The following SMPX variants were observed in gnomAD, a reference collection of about 807,000 sequenced individuals.
SMPX encodes small muscle protein X-linked, also known as small muscular protein.
In SMPX, 2 loss-of-function variants were observed where a neutral mutation model predicts 6.3. The ratio of observed to expected loss-of-function variants is 0.32; its 90% CI spans 0.13 to 0.99. The LOEUF (loss-of-function observed/expected upper bound fraction) is 0.99, where lower values mean the gene tolerates loss of function less well. SMPX is among the 50% of genes least tolerant of loss of function. The pLI is 0.49. For synonymous variants in SMPX, 32 were observed against 24.7 expected (o/e 1.30, Z -0.88); for missense variants, 60 against 66.8 (o/e 0.90, Z 0.36).
intron 4 of SMPX, among the ~76,000 whole-genome samples, chrX:21,731,414 T>A (rs1318010472): frequency 1.1e-5 from 1 of 87,765 alleles, no homozygotes; most frequent in Non-Finnish European, 2.3e-5. Flanking sequence ...ACATATAATA[T>A]ATATACACAC....
chrX:21,731,809 T>A (rs1020989889), intron 4 of SMPX, among the ~76,000 whole-genome samples: 2 of 86,113 alleles, frequency 2.3e-5, no homozygotes, highest in Non-Finnish European at 4.5e-5. Flanking sequence ...TATGTACACA[T>A]ACATAATGTA....
intron 4 of SMPX, among the ~76,000 whole-genome samples, chrX:21,708,227 T>C (rs1006506801): frequency 3.6e-5 from 4 of 112,417 alleles, no homozygotes; most frequent in African/African-American, 1.3e-4. Flanking sequence ...GCAGAAACTC[T>C]GGTTTGGCAC....
chrX:21,714,906 C>A (rs758180341), intron 4 of SMPX, among the ~76,000 whole-genome samples: 1 of 111,747 alleles, frequency 8.9e-6, no homozygotes, highest in African/African-American at 3.3e-5. Flanking sequence ...ACATTTCATG[C>A]AAAACAATTT....
intron 2 of SMPX, among the ~76,000 whole-genome samples, chrX:21,753,967 C>A (rs1450548213): frequency 2.7e-5 from 3 of 112,213 alleles, no homozygotes; most frequent in African/African-American, 9.7e-5. Flanking sequence ...TGAACACATC[C>A]AAAACATATC....
intron 4 of SMPX, among the ~76,000 whole-genome samples, chrX:21,713,673 C>A (rs763702046): frequency 8.9e-6 from 1 of 111,838 alleles, no homozygotes; most frequent in Admixed American, 9.4e-5. Flanking sequence ...GATTATCTCC[C>A]ACTGGGTCCC....
intron 2 of SMPX, among the ~76,000 whole-genome samples, chrX:21,750,686 A>G (rs1183750634): frequency 1.8e-5 from 2 of 111,821 alleles, no homozygotes; most frequent in Non-Finnish European, 3.8e-5. Context: ...GAAGTGTAGG[A>G]TTAGAATCCC....
intron 4 of SMPX, among the ~76,000 whole-genome samples, chrX:21,711,248 G>A (rs907036778): frequency 1.8e-5 from 2 of 111,535 alleles, no homozygotes; most frequent in African/African-American, 6.5e-5. Context: ...AGAAACAATG[G>A]GAAGGGATCC....
At chrX:21,747,330 T>C (rs2092822618) in intron 2 of SMPX, among the ~76,000 whole-genome samples, 1 of 111,343 alleles carries the variant, frequency 9.0e-6, no homozygotes. Context: ...CTAAGCTATA[T>C]ATAATTTGTT....
chrX:21,733,870 A>G lies in SMPX; in HGVS notation c.*14+3679T>C, dbSNP rs2092807708. On this transcript the variant is annotated intron_variant, in intron 4 of 4. Coordinates refer to ENST00000379494, the MANE Select transcript of SMPX (RefSeq NM_014332.3). Reference sequence around the variant, plus strand: ...CTCTTTGGTCTCACTAGACTGGTCTAATTATTAACAATACCCTGGACACTC... The same window carrying G: ...CTCTTTGGTCTCACTAGACTGGTCTGATTATTAACAATACCCTGGACACTC... 6 of 262,427 alleles carry G rather than the reference A, an allele frequency of 2.3e-5. No individual in the cohort carries two copies. In the South Asian group the frequency reaches 2.4e-4, roughly 10 times the overall value. 21.6% of individuals were successfully genotyped at this position (262,427 alleles called of 1,213,427 possible).
intron 2 of SMPX, among the ~76,000 whole-genome samples, chrX:21,751,458 T>C (rs2092827348): frequency 8.9e-6 from 1 of 112,277 alleles, no homozygotes; most frequent in Non-Finnish European, 1.9e-5. Context: ...ATTAAATTCA[T>C]TTAACCTTCA....
At chrX:21,755,877 G>T (rs58286252) in intron 1 of SMPX, among the ~76,000 whole-genome samples, 5,313 of 111,442 alleles carry the variant, frequency 0.048, 290 homozygotes, top group African/African-American at 0.16. Flanking sequence ...TTTTTAATAC[G>T]GTTACAAAAT....
intron 2 of SMPX, among the ~76,000 whole-genome samples, chrX:21,747,737 C>T (rs1160789926): frequency 9.0e-6 from 1 of 111,313 alleles, no homozygotes; most frequent in African/African-American, 3.3e-5. Context: ...CCTTTTCGTC[C>T]GCACTCTGTC....
intron 2 of SMPX, among the ~76,000 whole-genome samples, chrX:21,751,894 G>T (rs2092827794): frequency 8.9e-6 from 1 of 112,220 alleles, no homozygotes. Flanking sequence ...TGTGTACGGT[G>T]TAACCACGTT....
At position 21,737,559 on chromosome X, in the gene SMPX, C is replaced by T; in HGVS notation, c.*4G>A. The stretch of plus-strand genomic sequence containing the variant: ...TAGTTTTTCACTCACCTTTTTTCTT[C>T]CTACTACTGTTCAGCTTTGGGGACA... On this transcript the variant is annotated 3_prime_UTR_variant, in exon 4 of 5. Transcript: ENST00000379494. The T allele has an allele frequency of 8.3e-7, 1 of 1,206,603 alleles. No homozygotes were observed. The highest frequency in any genetic ancestry group is 1.1e-6 in the Non-Finnish European group (1 of 891,251).
chrX:21,726,395 G>T (rs2092796952), intron 4 of SMPX, among the ~76,000 whole-genome samples: 1 of 112,438 alleles, frequency 8.9e-6, no homozygotes, highest in Non-Finnish European at 1.9e-5. Context: ...CTATAAAGTA[G>T]GAACACAAAA....
At chrX:21,733,062 T>C (rs771644134) in intron 4 of SMPX, among the ~76,000 whole-genome samples, 118 of 111,821 alleles carry the variant, frequency 1.1e-3, no homozygotes, top group Middle Eastern at 9.2e-3. Context: ...TATGGTATTT[T>C]GTTATAGCGG....
intron 2 of SMPX, among the ~76,000 whole-genome samples, chrX:21,751,168 T>G (rs183707698): frequency 1.8e-4 from 20 of 112,487 alleles, no homozygotes; most frequent in African/African-American, 6.1e-4. Flanking sequence ...TGTAAGACAG[T>G]AACTGAATAG....
rs1283624383 is a variant in SMPX, at chrX:21,731,568, GTATA to G, written c.*14+5977_*14+5980del. On this transcript the variant is annotated intron_variant, in intron 4 of 4. Transcript: ENST00000379494. The stretch of plus-strand genomic sequence containing the variant: ...GTATGTGTATATATACACATTATGT[GTATA>G]TGTGTATATGTGTATATGTACACAT... Among the ~76,000 whole-genome samples, 273 of 43,804 alleles carry G rather than the reference GTATA, an allele frequency of 6.2e-3. 26 individuals carry two copies. The highest frequency in any genetic ancestry group is 0.018 in the Middle Eastern group (1 of 56). The allele number at this position is 43,804 out of a possible 115,157, so 38.0% of individuals were successfully genotyped here.
chrX:21,748,669 C>T (rs943880017), intron 2 of SMPX, among the ~76,000 whole-genome samples: 1 of 112,009 alleles, frequency 8.9e-6, no homozygotes, highest in Middle Eastern at 4.6e-3. Context: ...TTAAAAGAAA[C>T]CAGCATTGGA....
Sources: gnomAD v4.1 joint callset for allele counts (sites outside exome capture counted in the v4.1 genomes callset) on GRCh38, gnomAD v4.1.1 for gene constraint, MANE v1.5 for transcripts, NCBI Gene and HGNC (gene_info 2026-07-23, HGNC 2026-07-21) for gene names.